The following TNRC6B variants were observed in gnomAD, a reference collection of about 807,000 sequenced individuals.
TNRC6B encodes trinucleotide repeat containing adaptor 6B.
Under a neutral mutation model 203.6 loss-of-function variants are expected in TNRC6B, and 52 were observed. That is an observed-to-expected ratio of 0.26 (90% CI 0.20 to 0.32). The LOEUF is 0.32. TNRC6B is among the 10% of genes least tolerant of loss of function. The pLI, the probability that TNRC6B is intolerant of heterozygous loss-of-function variation, is 1.00. For missense variants in TNRC6B, 1,923 were observed against 2,286.2 expected (o/e 0.84, Z 3.24); for synonymous variants, 838 against 845.7 (o/e 0.99, Z 0.16).
chr22:40,270,137 C>T lies in TNRC6B; in HGVS notation c.2822C>T (p.Thr941Ile). 1 of 1,587,300 alleles carries T rather than the reference C, an allele frequency of 6.3e-7. No individual in the cohort carries two copies. Among genetic ancestry groups the T allele is most frequent in the African/African-American group, 1.3e-5 (1 of 74,516 alleles). Residue 941 changes from threonine to isoleucine, a missense_variant, in exon 6 of 23, where the codon ACA (threonine) becomes ATA (isoleucine). Thr to Ile is a moderately conservative substitution (Grantham distance 89). This residue lies in a region of TNRC6B where 599 missense variants were observed against 656.5 expected (regional missense o/e 0.91). Transcript: ENST00000454349. Reference sequence around the variant, plus strand: ...TTCTTTATAGTCTGGAGCAAAAGCACACCACCTGCTCCAGATAATGGTACT... The same window carrying T: ...TTCTTTATAGTCTGGAGCAAAAGCATACCACCTGCTCCAGATAATGGTACT... ...SKSASVWSKS[T>I]PPAPDNGTSA...
At chr22:40,180,135 T>C (rs1366645761) in intron 1 of TNRC6B, among the ~76,000 whole-genome samples, 1 of 152,248 alleles carries the variant, frequency 6.6e-6, no homozygotes, top group Non-Finnish European at 1.5e-5. Context: ...ATAGAGAAAT[T>C]ACCTTAGTGA....
chr22:40,278,316 T>G (rs965412165), intron 9 of TNRC6B, among the ~76,000 whole-genome samples: 1 of 150,570 alleles, frequency 6.6e-6, no homozygotes, highest in Non-Finnish European at 1.5e-5. Context: ...TCCCAGCACT[T>G]TGGGAGACCG....
intron 1 of TNRC6B, among the ~76,000 whole-genome samples, chr22:40,207,653 G>GA (rs970287936): frequency 6.6e-6 from 1 of 151,228 alleles, no homozygotes; most frequent in African/African-American, 2.4e-5. Context: ...CCTAGTAGAA[G>GA]AAAAAAATGC....
At chr22:40,081,308 T>TG (rs2068062152) in intron 1 of TNRC6B, among the ~76,000 whole-genome samples, 1 of 38,776 alleles carries the variant, frequency 2.6e-5, no homozygotes. Flanking sequence ...TGTCTGCGTG[T>TG]TTTTTTTTTT....
chr22:40,201,665 T>A (rs2069413879), intron 1 of TNRC6B, among the ~76,000 whole-genome samples: 1 of 151,826 alleles, frequency 6.6e-6, no homozygotes, highest in Admixed American at 6.6e-5. Flanking sequence ...ACTCAAGCGA[T>A]CCTCCCACCT....
intron 21 of TNRC6B, among the ~76,000 whole-genome samples, 186 bp downstream of exon 21, chr22:40,316,198 C>T (rs1052014793): frequency 6.6e-6 from 1 of 151,452 alleles, no homozygotes; most frequent in African/African-American, 2.4e-5. Context: ...ACTAAAAATA[C>T]AAAAAATTAG....
rs1408607462 is a variant in TNRC6B at position 40,239,777 on chromosome 22, G to A, written c.6-6238G>A. ...TTGGTGTTCTGAACTTGCATGCGGG[G>A]CAGTCTTGTTATGCCTCAGCTTAAG... is the stretch of plus-strand genomic sequence containing the variant. On this transcript the variant is annotated intron_variant, in intron 1 of 22. Coordinates refer to ENST00000454349, the MANE Select transcript of TNRC6B (RefSeq NM_001162501.2). 3.3e-5 allele frequency among the ~76,000 whole-genome samples: 5 copies of A among 152,122 alleles called. No individual in the cohort carries two copies. The East Asian group carries it at 5.8e-4, about 18-fold the overall frequency.
intron 11 of TNRC6B, among the ~76,000 whole-genome samples, chr22:40,282,536 C>T (rs1915871052): frequency 6.6e-6 from 1 of 152,152 alleles, no homozygotes; most frequent in Non-Finnish European, 1.5e-5. Context: ...ATAGGCATAA[C>T]ATTCACAGTT....
chr22:40,130,311 G>A (rs1260115173), intron 3 of TNRC6B, among the ~76,000 whole-genome samples: 1 of 152,176 alleles, frequency 6.6e-6, no homozygotes, highest in East Asian at 1.9e-4. Context: ...AGTTTTGGAG[G>A]AGGAAAGAAA....
At chr22:40,116,240 T>A (rs1262041500) in intron 1 of TNRC6B, among the ~76,000 whole-genome samples, 1 of 152,216 alleles carries the variant, frequency 6.6e-6, no homozygotes, top group African/African-American at 2.4e-5. Flanking sequence ...CTGACAGCGG[T>A]GTAGATGCTG....
chr22:40,128,543 C>T (rs932334215), intron 3 of TNRC6B, among the ~76,000 whole-genome samples: 2 of 149,562 alleles, frequency 1.3e-5, no homozygotes, highest in Admixed American at 1.3e-4. Flanking sequence ...GGTATGATCA[C>T]GGCTCACGGC....
chr22:40,100,885 G>A (rs900604774), intron 1 of TNRC6B, among the ~76,000 whole-genome samples: 2 of 152,170 alleles, frequency 1.3e-5, no homozygotes, highest in African/African-American at 2.4e-5. Flanking sequence ...TTGGAGAAGA[G>A]TTCTTTTTTG....
rs193282094 is a variant in TNRC6B at position 40,209,569 on chromosome 22, G to A, written c.5+31429G>A. On this transcript the variant is annotated intron_variant, in intron 1 of 22. Coordinates refer to ENST00000454349, the MANE Select transcript of TNRC6B (RefSeq NM_001162501.2). ...CTTCCCAGAATGGTGGCATTCTTACGCTAACCTGCCATGGCATGCATAAGA... is the reference window on the plus strand; with the variant it reads ...CTTCCCAGAATGGTGGCATTCTTACACTAACCTGCCATGGCATGCATAAGA... Among the ~76,000 whole-genome samples the A allele has an allele frequency of 2.0e-5, 3 of 152,238 alleles. No individual in the cohort carries two copies. In the East Asian group the frequency reaches 5.8e-4, roughly 29 times the overall value.
chr22:40,207,294 G>A (rs1446496105), intron 1 of TNRC6B, among the ~76,000 whole-genome samples: 2 of 151,790 alleles, frequency 1.3e-5, no homozygotes, highest in Admixed American at 1.3e-4. Flanking sequence ...TATAGTTCCA[G>A]CACTTTGGGA....
chr22:40,225,228 C>T (rs1008559275), intron 1 of TNRC6B, among the ~76,000 whole-genome samples: 1 of 152,124 alleles, frequency 6.6e-6, no homozygotes, highest in African/African-American at 2.4e-5. Flanking sequence ...GTTGACCATG[C>T]TTGAGTACAG....
chr22:40,285,416 A>G (rs984239688), intron 11 of TNRC6B, among the ~76,000 whole-genome samples: 2 of 152,210 alleles, frequency 1.3e-5, no homozygotes, highest in African/African-American at 4.8e-5. Flanking sequence ...ATTTGATGAC[A>G]TTGAACCCTT....
intron 1 of TNRC6B, among the ~76,000 whole-genome samples, chr22:40,179,887 A>G (rs930063451): frequency 6.6e-6 from 1 of 152,232 alleles, no homozygotes; most frequent in African/African-American, 2.4e-5. Context: ...ATTTGAATAC[A>G]TAAGATAATT....
At chr22:40,143,654 G>T (rs190034744) in intron 3 of TNRC6B, among the ~76,000 whole-genome samples, 5 of 152,026 alleles carry the variant, frequency 3.3e-5, no homozygotes, top group Admixed American at 6.6e-5. Context: ...CCACCACCAC[G>T]CCCCGCTAAT....
chr22:40,144,490 A>G (rs566578172), intron 3 of TNRC6B, among the ~76,000 whole-genome samples: 14 of 151,798 alleles, frequency 9.2e-5, no homozygotes, highest in African/African-American at 2.7e-4. Context: ...CCTGGCTAAC[A>G]TGGTGAAACC....
Sources: gnomAD v4.1 joint callset for allele counts (sites outside exome capture counted in the v4.1 genomes callset) on GRCh38, gnomAD v4.1.1 for gene constraint, gnomAD v4.1.1 regional missense constraint, MANE v1.5 for transcripts, NCBI Gene and HGNC (gene_info 2026-07-23, HGNC 2026-07-21) for gene names.